Variants in CPAMD8 observed in about 807,000 individuals in gnomAD.
CPAMD8 encodes the protein C3 and PZP-like alpha-2-macroglobulin domain-containing protein 8.
A neutral mutation model predicts 224.7 loss-of-function variants in CPAMD8; 146 were observed. The observed-to-expected ratio is 0.65, with a 90% CI of 0.57 to 0.75. The LOEUF (loss-of-function observed/expected upper bound fraction) is 0.75, where lower values mean the gene tolerates loss of function less well. CPAMD8 is among the 30% of genes least tolerant of loss of function. CPAMD8 has a pLI of 0.00. For synonymous variants in CPAMD8, 966 were observed against 1,044.6 expected (o/e 0.92, Z 1.45); for missense variants, 2,301 against 2,537.5 (o/e 0.91, Z 2.00).
intron 12 of CPAMD8, among the ~76,000 whole-genome samples, chr19:16,992,442 T>G (rs781114279): frequency 3.3e-5 from 5 of 151,652 alleles, no homozygotes; most frequent in Non-Finnish European, 5.9e-5. Flanking sequence ...AATTTATTAT[T>G]TATTTATTTG....
At chr19:17,007,954 G>C (rs1020772475) in intron 7 of CPAMD8, among the ~76,000 whole-genome samples, 1 of 152,164 alleles carries the variant, frequency 6.6e-6, no homozygotes, top group Non-Finnish European at 1.5e-5. Context: ...GATCACCTGA[G>C]AGGTCAGGAG....
Position 16,904,332 on chromosome 19 carries a change from T to A in CPAMD8, c.4145A>T (p.Tyr1382Phe). 6.2e-7 allele frequency: 1 copy of A among 1,613,672 alleles called. No homozygotes were observed. Among genetic ancestry groups the A allele is most frequent in the Admixed American group, 1.7e-5 (1 of 60,008 alleles). ...CAGCAGAGTGTAGGTCAGAAGGGCG[T>A]AGGCTGTCATTTCCACCTCGGCCGA... ...VVSAEVEMTA[Y>F]ALLTYTLLGD... The change falls in exon 32 of 42, where the codon TAC (tyrosine) becomes TTC (phenylalanine). Residue 1382 changes from tyrosine (Y) to phenylalanine (F), a missense_variant. Physicochemically the swap from Tyr to Phe is conservative, Grantham distance 22. Transcript: ENST00000443236.
chr19:16,951,262 G>A (rs1339570780), intron 20 of CPAMD8, among the ~76,000 whole-genome samples: 1 of 152,054 alleles, frequency 6.6e-6, no homozygotes, highest in African/African-American at 2.4e-5. Flanking sequence ...TACTTTGTGG[G>A]GAGCCTGTGA....
Position 17,000,414 on chromosome 19 carries a change from C to T in CPAMD8, c.867G>A (p.Lys289=), listed in dbSNP as rs768339498. 13 of 1,317,572 alleles carry T rather than the reference C, an allele frequency of 9.9e-6. No homozygotes were observed. The African/African-American group carries it at 1.3e-4, about 13-fold the overall frequency. 81.6% of individuals were successfully genotyped at this position (1,317,572 alleles called of 1,614,324 possible). ...GGTAGAAGGGGTCCCTGTTTCTCAC[C>T]TTGGTTGTTCTGAGGACAGGGCGTC... is the stretch of plus-strand genomic sequence containing the variant. ...EVGRPVLRTT[K]ILGSRDFDIC... The change falls in exon 10 of 42, where the codon AAG becomes AAA. Residue 289 remains lysine (K), a splice_region_variant and synonymous_variant. Transcript: ENST00000443236.
chr19:16,994,008 T>C (rs2056044743), intron 11 of CPAMD8, among the ~76,000 whole-genome samples: 1 of 152,046 alleles, frequency 6.6e-6, no homozygotes, highest in Non-Finnish European at 1.5e-5. Context: ...GAGGCTGAGG[T>C]GGGAGGATCA....
Position 17,000,435 on chromosome 19 carries a change from G to A in CPAMD8, c.846C>T (p.Arg282=), listed in dbSNP as rs200005690. Residue 282 remains arginine, a synonymous_variant, in exon 10 of 42, where the codon CGC becomes CGT. Transcript: ENST00000443236. ...GVGYYSHEVG[R]PVLRTTKILG... ...TCACCTTGGTTGTTCTGAGGACAGG[G>A]CGTCCCACCTCGTGGCTGTAGTACC... 7 of 1,489,498 alleles carry A rather than the reference G, an allele frequency of 4.7e-6. No homozygotes were observed. The African/African-American group carries it at 8.3e-5, about 18-fold the overall frequency. The allele number at this position is 1,489,498 out of a possible 1,614,324, so 92.3% of individuals were successfully genotyped here. A position where few individuals can be genotyped will look rare whatever the true frequency, so the allele number is the denominator to read the frequency against.
Position 16,990,055 on chromosome 19 carries a change from C to T in CPAMD8, c.1267-284G>A, listed in dbSNP as rs1199950193. On this transcript the variant is annotated intron_variant, in intron 12 of 41. Coordinates refer to ENST00000443236, the MANE Select transcript of CPAMD8 (RefSeq NM_015692.5). Reference sequence around the variant, plus strand: ...TCACCTGAGGCCAGGAGTTCGAGACCAGCCTGGCCAACATGGAGAAACCCC... The same window carrying T: ...TCACCTGAGGCCAGGAGTTCGAGACTAGCCTGGCCAACATGGAGAAACCCC... Among the ~76,000 whole-genome samples the T allele has an allele frequency of 2.0e-5, 3 of 152,114 alleles. No individual in the cohort carries two copies. In the East Asian group the frequency reaches 5.8e-4, roughly 29 times the overall value.
intron 23 of CPAMD8, among the ~76,000 whole-genome samples, chr19:16,931,227 G>A (rs779894019): frequency 6.6e-5 from 10 of 152,124 alleles, no homozygotes; most frequent in Non-Finnish European, 1.0e-4. Context: ...CACACCACCA[G>A]GGAGCCTGAG....
Position 17,011,276 on chromosome 19 carries a change from C to T in CPAMD8, c.486+188G>A, listed in dbSNP as rs547909067. On this transcript the variant is annotated intron_variant, in intron 5 of 41. Transcript: ENST00000443236. ...CATTCCTTGTTGAGGGGCAGTGGGC[C>T]AGGCACGCCCACCAGCCTTCCTCTG... is the stretch of plus-strand genomic sequence containing the variant. Among the ~76,000 whole-genome samples the T allele has an allele frequency of 2.2e-4, 34 of 152,250 alleles. No individual in the cohort carries two copies. In the Middle Eastern group the frequency reaches 0.017, roughly 76 times the overall value.
chr19:17,024,091 A>G lies in CPAMD8; in HGVS notation c.93-1910T>C, dbSNP rs1251816282. Among the ~76,000 whole-genome samples the G allele has an allele frequency of 2.0e-5, 3 of 152,248 alleles. No individual in the cohort carries two copies. In the East Asian group the frequency reaches 5.8e-4, roughly 29 times the overall value. Reference sequence around the variant, plus strand: ...ATTTCTTGAGTAAGATACCAAAAATAAGATCCATAAAATAACTCACTGATA... The same window carrying G: ...ATTTCTTGAGTAAGATACCAAAAATGAGATCCATAAAATAACTCACTGATA... On this transcript the variant is annotated intron_variant, in intron 1 of 41. Transcript: ENST00000443236.
At chr19:17,018,750 AC>A (rs1311495390) in intron 3 of CPAMD8, among the ~76,000 whole-genome samples, 1 of 151,408 alleles carries the variant, frequency 6.6e-6, no homozygotes, top group Non-Finnish European at 1.5e-5. Flanking sequence ...ACACACACAC[AC>A]ACACAAAATT....
intron 14 of CPAMD8, among the ~76,000 whole-genome samples, chr19:16,978,172 G>A (rs994297847): frequency 5.3e-5 from 8 of 152,184 alleles, no homozygotes; most frequent in African/African-American, 1.9e-4. Context: ...AGTGGACAGG[G>A]ATGGTAGGGG....
In CPAMD8 at chr19:16,906,981, C is replaced by T. The variant is rs764644028; in HGVS notation, c.3998G>A (p.Arg1333His). The stretch of plus-strand genomic sequence containing the variant: ...CATGATGGCCAGGCTACGGAGCTTG[C>T]GCAGTGCCTCAGGGGCTGCCGGGCT... ...LRSPAAPEAL[R>H]KLRSLAIMRD... Residue 1333 changes from arginine (R) to histidine (H), a missense_variant, in exon 30 of 42, where the codon CGC becomes CAC. Coordinates refer to ENST00000443236, the MANE Select transcript of CPAMD8 (RefSeq NM_015692.5). 6.3e-6 allele frequency: 10 copies of T among 1,596,230 alleles called. No individual in the cohort carries two copies. Among genetic ancestry groups the T allele is most frequent in the South Asian group, 2.3e-5 (2 of 87,420 alleles).
Position 17,011,732 on chromosome 19 carries a change from G to C in CPAMD8, c.293C>G (p.Ala98Gly), listed in dbSNP as rs199917905. ...GCCGCGGCCCCACACTTTCAGAAGC[G>C]CTTGGCCCCGGAGGCCCGTGGGCAC... ...LKVPTGLRGQ[A>G]LLKVWGRGWQ... Residue 98 changes from alanine (A) to glycine (G), a missense_variant, in exon 4 of 42, where the codon GCG becomes GGG. Physicochemically the swap from Ala to Gly is moderately conservative, Grantham distance 60 (BLOSUM62 0). Transcript: ENST00000443236. 2.0e-4 allele frequency: 326 copies of C among 1,613,924 alleles called. No individual in the cohort carries two copies. The African/African-American group carries it at 3.9e-3, about 19-fold the overall frequency.
chr19:16,902,923 T>C (rs1224896587), intron 34 of CPAMD8, 60 bp from the exon 35 acceptor site: 2 of 1,090,402 alleles, frequency 1.8e-6, no homozygotes, highest in Admixed American at 2.5e-5. Flanking sequence ...AGGTGCAGGG[T>C]AGGGGAGGAG....
chr19:16,990,435 G>A (rs1220116509), intron 12 of CPAMD8, among the ~76,000 whole-genome samples: 1 of 151,876 alleles, frequency 6.6e-6, no homozygotes, highest in Non-Finnish European at 1.5e-5. Flanking sequence ...TTTGTGCCTG[G>A]AGACTCAGCT....
At chr19:16,909,808 G>C (rs2052656105) in intron 29 of CPAMD8, among the ~76,000 whole-genome samples, 1 of 152,188 alleles carries the variant, frequency 6.6e-6, no homozygotes, top group South Asian at 2.1e-4. Context: ...TCAGGCTGGA[G>C]TGTAGTGGCT....
chr19:16,959,731 G>T (rs1432713853), intron 18 of CPAMD8, among the ~76,000 whole-genome samples: 1 of 151,682 alleles, frequency 6.6e-6, no homozygotes, highest in Non-Finnish European at 1.5e-5. Context: ...AGTAGAGATG[G>T]GGTTTCACCA....
At chr19:17,002,883 GTTCT>G (rs2056373710) in intron 8 of CPAMD8, among the ~76,000 whole-genome samples, 1 of 150,296 alleles carries the variant, frequency 6.7e-6, no homozygotes, top group Non-Finnish European at 1.5e-5. Flanking sequence ...GAATCTTTTC[GTTCT>G]TTCTTTTCTT....
Sources: gnomAD v4.1 joint callset for allele counts (sites outside exome capture counted in the v4.1 genomes callset) on GRCh38, gnomAD v4.1.1 for gene constraint, MANE v1.5 for transcripts, NCBI Gene and HGNC (gene_info 2026-07-23, HGNC 2026-07-21) for gene names.